The following MYO18B variants were observed in gnomAD, a reference collection of about 807,000 sequenced individuals.
The protein encoded by MYO18B is myosin XVIIIB, also known as unconventional myosin-XVIIIb.
Under a neutral mutation model 273.0 loss-of-function variants are expected in MYO18B, and 204 were observed. That is an observed-to-expected ratio of 0.75 (90% CI 0.67 to 0.84). The LOEUF is 0.84. MYO18B is among the 40% of genes least tolerant of loss of function. MYO18B has a pLI of 0.00. For missense variants in MYO18B, 3,212 were observed against 3,287.6 expected, an observed-to-expected ratio of 0.98 and a Z score of 0.56; for synonymous variants, 1,330 against 1,305.7, an observed-to-expected ratio of 1.02 and a Z score of -0.40.
chr22:26,001,707 T>C (rs1384253834), intron 40 of MYO18B, among the ~76,000 whole-genome samples: 3 of 152,066 alleles, frequency 2.0e-5, no homozygotes, highest in African/African-American at 7.2e-5. Context: ...CAGGAGCATG[T>C]GGAAGAGTAA....
At chr22:25,953,497 TC>T (rs1404027664) in intron 38 of MYO18B, 1 of 152,082 alleles carries the variant, frequency 6.6e-6, no homozygotes, top group African/African-American at 2.4e-5. Flanking sequence ...CTGAAACATT[TC>T]CCCTTGATCT....
intron 34 of MYO18B, among the ~76,000 whole-genome samples, chr22:25,923,623 C>G (rs1225874416): frequency 6.6e-5 from 10 of 152,208 alleles, no homozygotes; most frequent in African/African-American, 2.4e-4. Context: ...TTGCGTCTTC[C>G]TGTCTGCTTG....
intron 42 of MYO18B, among the ~76,000 whole-genome samples, chr22:26,013,489 A>G (rs1015323517): frequency 2.6e-5 from 4 of 152,180 alleles, no homozygotes; most frequent in Non-Finnish European, 5.9e-5. Flanking sequence ...TATGAATAGT[A>G]TTACTGTGAA....
At chr22:26,050,150 T>G in the MYO18B span, among the ~76,000 whole-genome samples, 1 of 152,216 alleles carries the variant, frequency 6.6e-6, no homozygotes, top group African/African-American at 2.4e-5. Context: ...GCGTGGAAAC[T>G]GATGAGCCGT....
chr22:25,906,490 A>G (rs1448021074), intron 31 of MYO18B, among the ~76,000 whole-genome samples: 1 of 152,226 alleles, frequency 6.6e-6, no homozygotes, highest in East Asian at 1.9e-4. Flanking sequence ...TCAACATTTT[A>G]AAAGACCCAG....
chr22:25,918,507 G>A (rs189182944), intron 33 of MYO18B, among the ~76,000 whole-genome samples: 1 of 152,332 alleles, frequency 6.6e-6, no homozygotes, highest in African/African-American at 2.4e-5. Flanking sequence ...TTAACCTAAT[G>A]AGTGATATTT....
intron 40 of MYO18B, among the ~76,000 whole-genome samples, chr22:25,997,328 A>C (rs1173261585): frequency 6.7e-6 from 1 of 150,124 alleles, no homozygotes; most frequent in Non-Finnish European, 1.5e-5. Flanking sequence ...AAAAAAAAAA[A>C]AACGAAGGAA....
At chr22:25,997,609 A>G (rs545905778) in intron 40 of MYO18B, among the ~76,000 whole-genome samples, 148 of 152,360 alleles carry the variant, frequency 9.7e-4, no homozygotes, top group Non-Finnish European at 1.6e-3. Flanking sequence ...AAAATTGCCC[A>G]TGAAGTCTCA....
intron 11 of MYO18B, among the ~76,000 whole-genome samples, chr22:25,796,344 A>C (rs2087907877): frequency 6.6e-6 from 1 of 151,966 alleles, no homozygotes; most frequent in African/African-American, 2.4e-5. Context: ...CAGCACTTTC[A>C]GAGGCCATGG....
chr22:26,002,063 G>A (rs183503592), intron 40 of MYO18B, among the ~76,000 whole-genome samples: 1 of 152,296 alleles, frequency 6.6e-6, no homozygotes, highest in Non-Finnish European at 1.5e-5. Flanking sequence ...GGGTTAGAAT[G>A]TGAACATCTT....
At chr22:25,845,288 G>A (rs2090202205) in intron 18 of MYO18B, among the ~76,000 whole-genome samples, 1 of 152,220 alleles carries the variant, frequency 6.6e-6, no homozygotes, top group Non-Finnish European at 1.5e-5. Context: ...GGAGGCCAAG[G>A]TGGGCAGATC....
At chr22:25,876,038 G>GT in intron 23 of MYO18B, 151 bp from the exon 24 acceptor site, 1 of 555,526 alleles carries the variant, frequency 1.8e-6, no homozygotes, top group Non-Finnish European at 3.2e-6. Flanking sequence ...GTGTGTGTGT[G>GT]TGTGTGTATG....
At chr22:25,933,896 T>C (rs1189234399) in intron 34 of MYO18B, among the ~76,000 whole-genome samples, 1 of 152,240 alleles carries the variant, frequency 6.6e-6, no homozygotes, top group Admixed American at 6.5e-5. Flanking sequence ...TTTTTGTCTT[T>C]AGCAGATACT....
intron 3 of MYO18B, among the ~76,000 whole-genome samples, chr22:25,766,075 A>G (rs1355142697): frequency 6.6e-6 from 1 of 152,072 alleles, no homozygotes; most frequent in Non-Finnish European, 1.5e-5. Context: ...GAATAAGGCC[A>G]AGGAGTTAAG....
chr22:25,869,476 AGG>A (rs376325905), intron 22 of MYO18B, among the ~76,000 whole-genome samples: 7 of 133,366 alleles, frequency 5.2e-5, no homozygotes, highest in East Asian at 2.1e-4. Context: ...AAAAAAAAGA[AGG>A]AAGGAAGGAA....
At chr22:26,049,993 A>G in the MYO18B span, among the ~76,000 whole-genome samples, 1 of 152,362 alleles carries the variant, frequency 6.6e-6, no homozygotes, top group South Asian at 2.1e-4. Flanking sequence ...TGTCCTTACA[A>G]AGTGATTCGG....
At chr22:25,901,218 C>A (rs1448091501) in intron 29 of MYO18B, 1 of 152,226 alleles carries the variant, frequency 6.6e-6, no homozygotes, top group Non-Finnish European at 1.5e-5. Context: ...TATTAAGGAA[C>A]ACTGGATAGT....
chr22:25,830,878 C>T (rs560610665), intron 15 of MYO18B, among the ~76,000 whole-genome samples: 37 of 152,170 alleles, frequency 2.4e-4, no homozygotes, highest in Admixed American at 5.2e-4. Flanking sequence ...TTACCAGACT[C>T]CCCAAAGGGG....
At chr22:25,917,545 GGTGTGT>G (rs3070569) in intron 33 of MYO18B, among the ~76,000 whole-genome samples, 64 of 142,246 alleles carry the variant, frequency 4.5e-4, no homozygotes, top group Middle Eastern at 3.5e-3. Flanking sequence ...GCTTTGTAGG[GGTGTGT>G]GTGTGTGTGT....
Sources: allele counts gnomAD v4.1 joint callset (sites outside exome capture counted in the v4.1 genomes callset), GRCh38; gene constraint gnomAD v4.1.1; transcripts MANE v1.5; gene names NCBI Gene and HGNC (gene_info 2026-07-23, HGNC 2026-07-21).